The following LOC128125817 variants were observed in gnomAD, a reference collection of about 807,000 sequenced individuals.
the LOC128125817 span, among the ~76,000 whole-genome samples, chr1:41,593,771 G>A: frequency 6.6e-6 from 1 of 152,234 alleles, no homozygotes; most frequent in Non-Finnish European, 1.5e-5. Flanking sequence ...GTGGCTTAAT[G>A]CAAAATTTAC....
chr1:41,607,440 C>T, the LOC128125817 span, among the ~76,000 whole-genome samples: 1 of 152,254 alleles, frequency 6.6e-6, no homozygotes, highest in South Asian at 2.1e-4. Flanking sequence ...TCCAATTGTG[C>T]TATCTTCATA....
chr1:41,612,537 TGAGGAAACA>T, the LOC128125817 span, among the ~76,000 whole-genome samples: 3 of 152,196 alleles, frequency 2.0e-5, no homozygotes, highest in South Asian at 2.1e-4. Flanking sequence ...GTTTTGCAGA[TGAGGAAACA>T]GAGGTTCAGA....
At chr1:41,609,645 AGGCCCCAC>A in the LOC128125817 span, among the ~76,000 whole-genome samples, 1 of 152,238 alleles carries the variant, frequency 6.6e-6, no homozygotes, top group Non-Finnish European at 1.5e-5. Context: ...CCACTAGTTT[AGGCCCCAC>A]GGCATGGCTC....
the LOC128125817 span, among the ~76,000 whole-genome samples, chr1:41,587,040 C>G: frequency 6.6e-6 from 1 of 152,034 alleles, no homozygotes; most frequent in African/African-American, 2.4e-5. Context: ...TATGAGCTTC[C>G]TGGCAGCCAA....
chr1:41,601,766 A>G, the LOC128125817 span, among the ~76,000 whole-genome samples: 15 of 152,146 alleles, frequency 9.9e-5, no homozygotes, highest in Non-Finnish European at 1.9e-4. Flanking sequence ...GACTTCCAGT[A>G]CTGTCTTGAA....
the LOC128125817 span, among the ~76,000 whole-genome samples, chr1:41,589,722 TA>T: frequency 1.1e-4 from 17 of 152,200 alleles, no homozygotes; most frequent in Middle Eastern, 3.4e-3. Flanking sequence ...TGGGGCAAGA[TA>T]GGGGCAGGGG....
chr1:41,618,058 T>C, the LOC128125817 span, among the ~76,000 whole-genome samples: 2 of 152,078 alleles, frequency 1.3e-5, no homozygotes, highest in South Asian at 2.1e-4. Context: ...TAGAAAGGCG[T>C]AGTGTAAATA....
chr1:41,590,694 G>A, the LOC128125817 span, among the ~76,000 whole-genome samples: 1 of 152,334 alleles, frequency 6.6e-6, no homozygotes. Flanking sequence ...GTTGGTGTCT[G>A]GGAGGCTGAA....
the LOC128125817 span, among the ~76,000 whole-genome samples, chr1:41,624,202 G>A: frequency 4.6e-5 from 7 of 152,058 alleles, no homozygotes; most frequent in African/African-American, 7.2e-5. Flanking sequence ...CTCAGCATCC[G>A]TGGCCCCTCC....
the LOC128125817 span, among the ~76,000 whole-genome samples, chr1:41,620,008 G>A: frequency 6.6e-6 from 1 of 152,190 alleles, no homozygotes; most frequent in Non-Finnish European, 1.5e-5. Context: ...GCTCTGCAGG[G>A]GTTTGGGGGC....
At chr1:41,587,133 T>G in the LOC128125817 span, among the ~76,000 whole-genome samples, 3 of 152,180 alleles carry the variant, frequency 2.0e-5, no homozygotes, top group Non-Finnish European at 4.4e-5. Context: ...AACTTTTTCA[T>G]GTAGCACTTC....
the LOC128125817 span, among the ~76,000 whole-genome samples, chr1:41,616,917 A>G: frequency 0.028 from 4,241 of 152,306 alleles, 78 homozygotes; most frequent in Middle Eastern, 0.054. Flanking sequence ...TACTGCTCCT[A>G]ACAAGCTTAA....
chr1:41,611,669 G>T, the LOC128125817 span, among the ~76,000 whole-genome samples: 1 of 152,232 alleles, frequency 6.6e-6, no homozygotes, highest in Admixed American at 6.5e-5. Flanking sequence ...TTTAATCAAG[G>T]AAGCAAGGGA....
At chr1:41,601,485 T>C in the LOC128125817 span, among the ~76,000 whole-genome samples, 2 of 152,148 alleles carry the variant, frequency 1.3e-5, no homozygotes, top group Non-Finnish European at 2.9e-5. Context: ...CTAAGTTCAT[T>C]CCTAAGTATT....
At chr1:41,621,267 A>C in the LOC128125817 span, among the ~76,000 whole-genome samples, 1 of 152,186 alleles carries the variant, frequency 6.6e-6, no homozygotes, top group Non-Finnish European at 1.5e-5. Flanking sequence ...AGAGCCCTGG[A>C]ATCTGCATTT....
the LOC128125817 span, among the ~76,000 whole-genome samples, chr1:41,622,670 A>G: frequency 6.6e-6 from 1 of 152,224 alleles, no homozygotes; most frequent in Non-Finnish European, 1.5e-5. Context: ...CCTGCCATAG[A>G]CGCTGGAAGC....
chr1:41,604,708 A>T, the LOC128125817 span, among the ~76,000 whole-genome samples: 1 of 152,204 alleles, frequency 6.6e-6, no homozygotes, highest in Non-Finnish European at 1.5e-5. Context: ...TACTTTATAG[A>T]TTACCCAGCT....
chr1:41,608,962 T>C, the LOC128125817 span, among the ~76,000 whole-genome samples: 11 of 149,124 alleles, frequency 7.4e-5, no homozygotes, highest in East Asian at 1.4e-3. Context: ...TGCATGCCTG[T>C]AATCCCAGTT....
At chr1:41,605,350 A>T in the LOC128125817 span, among the ~76,000 whole-genome samples, 3 of 149,372 alleles carry the variant, frequency 2.0e-5, no homozygotes, top group East Asian at 5.9e-4. Context: ...GGTTACATAG[A>T]TATTACATAC....
Sources: gnomAD v4.1 joint callset for allele counts (sites outside exome capture counted in the v4.1 genomes callset) on GRCh38, gnomAD v4.1.1 for gene constraint, MANE v1.5 for transcripts.